Variants in ADAMTSL1 observed in about 807,000 individuals in gnomAD.
ADAMTSL1 encodes ADAMTS-like protein 1.
ADAMTSL1 carries 126 observed loss-of-function variants against 201.8 expected under a neutral mutation model. The observed-to-expected ratio is 0.62, with a 90% CI of 0.54 to 0.72. ADAMTSL1 has a LOEUF of 0.72. Ranked by LOEUF, ADAMTSL1 falls within the 30% of genes least tolerant of loss-of-function variation. The pLI is 0.00. For synonymous variants in ADAMTSL1, 1,121 were observed against 903.4 expected (o/e 1.24, Z -4.32); for missense variants, 2,679 against 2,277.8 (o/e 1.18, Z -3.59).
intron 2 of ADAMTSL1, among the ~76,000 whole-genome samples, chr9:18,245,532 T>C (rs1831228202): frequency 6.6e-6 from 1 of 151,938 alleles, no homozygotes; most frequent in Non-Finnish European, 1.5e-5. Context: ...AGTTGAAAAT[T>C]GGAATTATGG....
chr9:18,740,021 G>A (rs1818728172), intron 15 of ADAMTSL1, among the ~76,000 whole-genome samples: 1 of 152,090 alleles, frequency 6.6e-6, no homozygotes, highest in Non-Finnish European at 1.5e-5. Context: ...TCCTGAGACA[G>A]AGACAGGGAG....
intron 2 of ADAMTSL1, among the ~76,000 whole-genome samples, chr9:18,452,361 C>T (rs913805430): frequency 3.9e-5 from 6 of 152,202 alleles, no homozygotes; most frequent in Non-Finnish European, 8.8e-5. Context: ...GGCTGACTTT[C>T]CAAAACATGA....
intron 3 of ADAMTSL1, among the ~76,000 whole-genome samples, chr9:18,554,067 C>T (rs991600756): frequency 6.6e-6 from 1 of 151,596 alleles, no homozygotes; most frequent in Admixed American, 6.6e-5. Context: ...AACACTTTCT[C>T]TCATTTAACA....
At chr9:18,349,334 T>A (rs1835859891) in intron 2 of ADAMTSL1, among the ~76,000 whole-genome samples, 1 of 152,166 alleles carries the variant, frequency 6.6e-6, no homozygotes, top group South Asian at 2.1e-4. Flanking sequence ...TGGCTGCCTT[T>A]AAATGACTCC....
intron 2 of ADAMTSL1, among the ~76,000 whole-genome samples, chr9:18,241,422 T>C (rs1236007296): frequency 1.3e-5 from 2 of 152,178 alleles, no homozygotes; most frequent in African/African-American, 2.4e-5. Context: ...TCTTGCTCCA[T>C]CAATGATATC....
chr9:18,750,423 G>C (rs749749848), intron 15 of ADAMTSL1, among the ~76,000 whole-genome samples: 8 of 152,174 alleles, frequency 5.3e-5, no homozygotes, highest in African/African-American at 9.6e-5. Context: ...TTTTATGTTT[G>C]TGAGATTCAT....
intron 15 of ADAMTSL1, among the ~76,000 whole-genome samples, chr9:18,730,306 A>G (rs954202602): frequency 1.3e-5 from 2 of 152,270 alleles, no homozygotes; most frequent in African/African-American, 2.4e-5. Flanking sequence ...CTTGAGAAAG[A>G]GGTAGAGAAA....
At chr9:18,050,648 T>C (rs941623348) in intron 1 of ADAMTSL1, among the ~76,000 whole-genome samples, 4 of 150,966 alleles carry the variant, frequency 2.6e-5, no homozygotes, top group Non-Finnish European at 5.9e-5. Context: ...TAAATCTATT[T>C]AAGTGTTGAT....
chr9:18,559,623 A>G (rs1324544378), intron 3 of ADAMTSL1, among the ~76,000 whole-genome samples: 1 of 152,160 alleles, frequency 6.6e-6, no homozygotes, highest in African/African-American at 2.4e-5. Flanking sequence ...CACGATATTG[A>G]TTCTTCCTAC....
intron 23 of ADAMTSL1, among the ~76,000 whole-genome samples, chr9:18,848,805 A>T (rs1260294758): frequency 6.6e-6 from 1 of 152,270 alleles, no homozygotes; most frequent in South Asian, 2.1e-4. Flanking sequence ...GAAAGCAGCC[A>T]TAGACCATAA....
chr9:18,412,300 G>A (rs1818477221), intron 2 of ADAMTSL1, among the ~76,000 whole-genome samples: 1 of 152,196 alleles, frequency 6.6e-6, no homozygotes, highest in African/African-American at 2.4e-5. Context: ...CACTGGTGAT[G>A]TTAAGATTAA....
intron 1 of ADAMTSL1, among the ~76,000 whole-genome samples, chr9:17,908,692 A>G (rs1825818023): frequency 6.6e-6 from 1 of 152,298 alleles, no homozygotes; most frequent in East Asian, 1.9e-4. Flanking sequence ...TCCTGGTCTC[A>G]GGTGATCCAC....
chr9:18,767,963 G>A (rs1001735240), intron 16 of ADAMTSL1, among the ~76,000 whole-genome samples: 4 of 152,196 alleles, frequency 2.6e-5, no homozygotes, highest in Admixed American at 1.3e-4. Context: ...ATGAGTAACA[G>A]GTGGTCTAGC....
At chr9:18,772,787 G>C (rs900465654) in intron 17 of ADAMTSL1, among the ~76,000 whole-genome samples, 1 of 152,192 alleles carries the variant, frequency 6.6e-6, no homozygotes, top group African/African-American at 2.4e-5. Flanking sequence ...GGCTGGCTGG[G>C]CCTGAGGCCA....
chr9:18,632,010 A>T (rs550187977), intron 5 of ADAMTSL1, among the ~76,000 whole-genome samples: 1 of 152,310 alleles, frequency 6.6e-6, no homozygotes, highest in South Asian at 2.1e-4. Flanking sequence ...CTCAATCGTA[A>T]AACAGTGTGC....
rs546094136 is a variant in ADAMTSL1, at chr9:18,537,351, G to A, written c.237+4059G>A. ...TGAATAACAAGAAGAAAACAGCTAT[G>A]TGAATACTTAAGGAGTAGCAATCCA... is the stretch of plus-strand genomic sequence containing the variant. On this transcript the variant is annotated intron_variant, in intron 3 of 28. Coordinates refer to ENST00000380548, the MANE Select transcript of ADAMTSL1 (RefSeq NM_001040272.6). Among the ~76,000 whole-genome samples the A allele has an allele frequency of 4.6e-5, 7 of 152,336 alleles. No individual in the cohort carries two copies. In the South Asian group the frequency reaches 1.0e-3, roughly 23 times the overall value.
chr9:18,753,425 T>C lies in ADAMTSL1; in HGVS notation c.2134T>C (p.Cys712Arg), dbSNP rs1287325821. ...NETVILADEL[C>R]RQPKPSTVQA... ...AACAGTCATCCTGGCTGATGAGCTG[T>C]GTCGCCAGCCCAAGCCCAGCACGGT... Residue 712 changes from cysteine (C) to arginine (R), a missense_variant, in exon 16 of 29, where the codon TGT becomes CGT. Transcript: ENST00000380548. The C allele has an allele frequency of 1.2e-6, 2 of 1,613,358 alleles. No homozygotes were observed. Among genetic ancestry groups the C allele is most frequent in the Non-Finnish European group, 1.7e-6 (2 of 1,179,754 alleles).
intron 2 of ADAMTSL1, among the ~76,000 whole-genome samples, chr9:18,288,693 G>C (rs1433324849): frequency 6.6e-6 from 1 of 152,160 alleles, no homozygotes; most frequent in Non-Finnish European, 1.5e-5. Context: ...AAGTAAAAGA[G>C]GCAGCAGAGG....
At chr9:18,565,293 T>C (rs987970751) in intron 3 of ADAMTSL1, among the ~76,000 whole-genome samples, 2 of 152,170 alleles carry the variant, frequency 1.3e-5, no homozygotes, top group African/African-American at 2.4e-5. Context: ...TAGAAAGAGT[T>C]CCATATTATT....
Sources: allele counts gnomAD v4.1 joint callset (sites outside exome capture counted in the v4.1 genomes callset), GRCh38; gene constraint gnomAD v4.1.1; transcripts MANE v1.5; gene names NCBI Gene and HGNC (gene_info 2026-07-23, HGNC 2026-07-21).